KHDRBS1: variants seen among roughly 807,000 people sequenced by gnomAD.
KHDRBS1 encodes the protein KH domain-containing, RNA-binding, signal transduction-associated protein 1.
In KHDRBS1, 7 loss-of-function variants were observed where a neutral mutation model predicts 48.4. That is an observed-to-expected ratio of 0.14 (90% CI 0.08 to 0.27). The LOEUF (loss-of-function observed/expected upper bound fraction) is 0.27. Ranked by LOEUF, KHDRBS1 falls within the 10% of genes least tolerant of loss-of-function variation. The pLI, the probability that KHDRBS1 is intolerant of heterozygous loss-of-function variation, is 1.00. For synonymous variants in KHDRBS1, 241 were observed against 235.8 expected (o/e 1.02, Z -0.20); for missense variants, 458 against 601.2 (o/e 0.76, Z 2.49).
At chr1:32,019,064 C>T (rs1638802749) in intron 1 of KHDRBS1, among the ~76,000 whole-genome samples, 1 of 152,080 alleles carries the variant, frequency 6.6e-6, no homozygotes, top group Admixed American at 6.6e-5. Context: ...CGCCACTGCA[C>T]TCCAGCCTGG....
intron 2 of KHDRBS1, among the ~76,000 whole-genome samples, chr1:32,031,286 AT>A (rs1639077532): frequency 6.6e-6 from 1 of 152,156 alleles, no homozygotes; most frequent in South Asian, 2.1e-4. Context: ...GTCTTAATGT[AT>A]TATGGAAGAG....
At chr1:32,057,124 C>T (rs1172678848) in intron 10 of KHDRBS1, among the ~76,000 whole-genome samples, 1 of 152,162 alleles carries the variant, frequency 6.6e-6, no homozygotes, top group African/African-American at 2.4e-5. Context: ...TAGAGCAGCA[C>T]ATTATAGGCA....
chr1:32,047,610 A>C (rs1379604937), downstream of KHDRBS1, among the ~76,000 whole-genome samples: 1 of 152,224 alleles, frequency 6.6e-6, no homozygotes. Flanking sequence ...GTTGATGATA[A>C]TACCTGACAT....
At chr1:32,048,433 C>A (rs1001954599), downstream of KHDRBS1, among the ~76,000 whole-genome samples, 1 of 152,102 alleles carries the variant, frequency 6.6e-6, no homozygotes, top group African/African-American at 2.4e-5. Context: ...TCACTTGAGT[C>A]GAGGAGTTCA....
chr1:32,060,643 T>C (rs768629337), exon 11 of KHDRBS1: 5 of 152,202 alleles, frequency 3.3e-5, no homozygotes, highest in Non-Finnish European at 4.4e-5. Flanking sequence ...TGCCCTTCCA[T>C]AAAAGGCTGA....
intron 1 of KHDRBS1, among the ~76,000 whole-genome samples, chr1:32,019,247 G>A (rs931103401): frequency 6.6e-6 from 1 of 152,110 alleles, no homozygotes; most frequent in Non-Finnish European, 1.5e-5. Context: ...TAATGTGATA[G>A]ATTTACAACA....
intron 1 of KHDRBS1, among the ~76,000 whole-genome samples, chr1:32,015,212 G>A (rs770121232): frequency 4.6e-5 from 7 of 152,164 alleles, no homozygotes; most frequent in Non-Finnish European, 1.0e-4. Flanking sequence ...TGATTCAGTA[G>A]TGAAATAGAT....
intron 1 of KHDRBS1, among the ~76,000 whole-genome samples, chr1:32,016,989 G>A (rs1021658488): frequency 1.3e-5 from 2 of 152,150 alleles, no homozygotes; most frequent in African/African-American, 4.8e-5. Flanking sequence ...CGTGCACGGT[G>A]GCTCACACCT....
At chr1:32,055,896 T>A (rs957414812) in intron 10 of KHDRBS1, among the ~76,000 whole-genome samples, 3 of 152,136 alleles carry the variant, frequency 2.0e-5, no homozygotes, top group Non-Finnish European at 4.4e-5. Flanking sequence ...GGTCTTCCAC[T>A]CTATTGTCTA....
At position 32,036,163 on chromosome 1, in the gene KHDRBS1, A is replaced by ATTTTT. The variant is rs397742842; in HGVS notation, c.772-725_772-721dup. Among the ~76,000 whole-genome samples, 22 of 60,468 alleles carry ATTTTT rather than the reference A, an allele frequency of 3.6e-4. 1 individual carries two copies. Among genetic ancestry groups the ATTTTT allele is most frequent in the African/African-American group, 1.5e-3 (21 of 13,648 alleles). The allele number at this position is 60,468 out of a possible 152,430, so 39.7% of individuals were successfully genotyped here. ...TACTTATTTCAGGGTCATTTTGAAG[A>ATTTTT]TTTTTTTTTTTTTTTTTTTTTTTTT... On this transcript the variant is annotated intron_variant, in intron 4 of 8. Coordinates refer to ENST00000327300, the MANE Select transcript of KHDRBS1 (RefSeq NM_006559.3).
At chr1:32,030,709 A>G (rs1229071876) in intron 2 of KHDRBS1, among the ~76,000 whole-genome samples, 1 of 152,224 alleles carries the variant, frequency 6.6e-6, no homozygotes, top group African/African-American at 2.4e-5. Flanking sequence ...TTAAAACCTG[A>G]AGAGTTGCTC....
intron 3 of KHDRBS1, among the ~76,000 whole-genome samples, chr1:32,031,920 T>C (rs1639087537): frequency 6.6e-6 from 1 of 152,192 alleles, no homozygotes; most frequent in African/African-American, 2.4e-5. Context: ...TAGGATTGTC[T>C]GTGAAAACTT....
chr1:32,030,474 A>G, intron 2 of KHDRBS1, 52 bp downstream of exon 2: 1 of 1,512,298 alleles, frequency 6.6e-7, no homozygotes, highest in Non-Finnish European at 8.9e-7. Context: ...GTTATGAGAG[A>G]GTCATGGGCT....
intron 1 of KHDRBS1, among the ~76,000 whole-genome samples, chr1:32,015,471 C>T (rs1214758439): frequency 6.6e-6 from 1 of 152,160 alleles, no homozygotes; most frequent in East Asian, 1.9e-4. Flanking sequence ...AAAATATTAT[C>T]TCCCTCCCTT....
intron 10 of KHDRBS1, among the ~76,000 whole-genome samples, chr1:32,055,091 G>A (rs1482654048): frequency 6.6e-6 from 1 of 152,138 alleles, no homozygotes; most frequent in Non-Finnish European, 1.5e-5. Context: ...CACCAAAGTA[G>A]TTCCTGGCTT....
chr1:32,039,751 A>G (rs1639248578), intron 8 of KHDRBS1, among the ~76,000 whole-genome samples, 178 bp downstream of exon 8: 1 of 152,188 alleles, frequency 6.6e-6, no homozygotes, highest in African/African-American at 2.4e-5. Flanking sequence ...GGTACATGGT[A>G]GAAAGAGGGA....
At chr1:32,047,269 C>T (rs919998206), downstream of KHDRBS1, among the ~76,000 whole-genome samples, 7 of 152,212 alleles carry the variant, frequency 4.6e-5, no homozygotes, top group Non-Finnish European at 7.3e-5. Context: ...AGCGATTCCC[C>T]TGCCTCAGCC....
At chr1:32,033,511 T>C (rs1363611104) in intron 4 of KHDRBS1, among the ~76,000 whole-genome samples, 177 bp downstream of exon 4, 1 of 149,466 alleles carries the variant, frequency 6.7e-6, no homozygotes, top group African/African-American at 2.6e-5. Flanking sequence ...CAAAGCATTA[T>C]GCTCCAAGGC....
chr1:32,040,476 G>T (rs1639262853), intron 8 of KHDRBS1, among the ~76,000 whole-genome samples: 1 of 152,068 alleles, frequency 6.6e-6, no homozygotes, highest in Non-Finnish European at 1.5e-5. Context: ...CAATAATTCA[G>T]GACAGTACTG....
Sources: allele counts gnomAD v4.1 joint callset (sites outside exome capture counted in the v4.1 genomes callset), GRCh38; gene constraint gnomAD v4.1.1; transcripts MANE v1.5; gene names NCBI Gene and HGNC (gene_info 2026-07-23, HGNC 2026-07-21).